TMEM169: variants seen among roughly 807,000 people sequenced by gnomAD.
TMEM169 encodes transmembrane protein 169.
In TMEM169, 18 loss-of-function variants were observed where a neutral mutation model predicts 27.3. That is an observed-to-expected ratio of 0.66 (90% confidence interval 0.46 to 0.98). The LOEUF (loss-of-function observed/expected upper bound fraction) is 0.98, where lower values mean the gene tolerates loss of function less well. Among genes scored for constraint, TMEM169 ranks in the 50% least tolerant of loss-of-function variants. The pLI is 0.00. For synonymous variants in TMEM169, 136 were observed against 142.1 expected, an observed-to-expected ratio of 0.96 and a Z score of 0.30; for missense variants, 320 against 368.6, an observed-to-expected ratio of 0.87 and a Z score of 1.08.
At chr2:216,082,375 C>T (rs1402047551) in intron 1 of TMEM169, 28 of 152,418 alleles carry the variant, frequency 1.8e-4, no homozygotes, top group Admixed American at 1.8e-3. Context: ...TGCAGTTTTC[C>T]ACAGAACCAA....
intron 1 of TMEM169, 138 bp downstream of exon 1, chr2:216,082,117 T>G (rs930653242): frequency 1.1e-5 from 2 of 189,786 alleles, no homozygotes; most frequent in Non-Finnish European, 2.2e-5. Flanking sequence ...GGGCTGAAGC[T>G]CTCACGATTA....
chr2:216,091,196 C>A (rs186775567), intron 1 of TMEM169, among the ~76,000 whole-genome samples: 2 of 152,216 alleles, frequency 1.3e-5, no homozygotes, highest in Admixed American at 1.3e-4. Flanking sequence ...AAATTTCAGC[C>A]CCCAAAGTGA....
chr2:216,090,067 G>A (rs1485733281), intron 1 of TMEM169, among the ~76,000 whole-genome samples: 1 of 152,216 alleles, frequency 6.6e-6, no homozygotes, highest in Non-Finnish European at 1.5e-5. Flanking sequence ...GTTGGGAGTG[G>A]GGAGAAAGGG....
intron 1 of TMEM169, among the ~76,000 whole-genome samples, chr2:216,090,033 G>T (rs912272539): frequency 6.6e-6 from 1 of 152,242 alleles, no homozygotes; most frequent in Non-Finnish European, 1.5e-5. Context: ...GCGTGCATGT[G>T]TGTGTGTCTG....
chr2:216,095,109 C>CTTTCTTT (rs751748269), intron 1 of TMEM169, among the ~76,000 whole-genome samples: 1 of 110,484 alleles, frequency 9.1e-6, no homozygotes, highest in African/African-American at 4.1e-5. Context: ...TTTTTTCTTT[C>CTTTCTTT]TTTTTTTTTT....
At chr2:216,087,363 T>C (rs1696027758) in intron 1 of TMEM169, among the ~76,000 whole-genome samples, 1 of 152,212 alleles carries the variant, frequency 6.6e-6, no homozygotes, top group East Asian at 1.9e-4. Flanking sequence ...TTTTAGAATG[T>C]CTTCCAGTTT....
At chr2:216,098,104 TG>T (rs1185035598) in intron 2 of TMEM169, among the ~76,000 whole-genome samples, 5 of 151,810 alleles carry the variant, frequency 3.3e-5, no homozygotes, top group Non-Finnish European at 7.4e-5. Flanking sequence ...TGGTGGCCCT[TG>T]CAGGTCTCGG....
At position 216,089,423 on chromosome 2, in the gene TMEM169, G is replaced by C. The variant is rs535866530; in HGVS notation, c.-126-6415G>C. On this transcript the variant is annotated intron_variant, in intron 1 of 2. Transcript: ENST00000437356. Reference sequence around the variant, plus strand: ...CTGTTCACTGCAGCTACTACCACTTGACTACTTCTATTTTTAATTTTCATT... The same window carrying C: ...CTGTTCACTGCAGCTACTACCACTTCACTACTTCTATTTTTAATTTTCATT... Among the ~76,000 whole-genome samples, 6 of 152,220 alleles carry C rather than the reference G, an allele frequency of 3.9e-5. No individual in the cohort carries two copies. The East Asian group carries it at 1.2e-3, about 29-fold the overall frequency.
intron 1 of TMEM169, among the ~76,000 whole-genome samples, chr2:216,084,948 C>T: frequency 6.6e-6 from 1 of 152,112 alleles, no homozygotes; most frequent in South Asian, 2.1e-4. Context: ...TAGGAAGTTA[C>T]AGGAGGATTT....
rs143406922 is a variant in TMEM169, at chr2:216,087,954, T to C, written c.-127+5975T>C. On this transcript the variant is annotated intron_variant, in intron 1 of 2. Transcript: ENST00000437356. ...CAGATGGATCACTTGAGGTCAGGAG[T>C]TGGAGACTAGCCTGGCCAACATGGT... is the stretch of plus-strand genomic sequence containing the variant. 5.6e-3 allele frequency among the ~76,000 whole-genome samples: 817 copies of C among 146,742 alleles called. 10 individuals are homozygous for C. Among genetic ancestry groups the C allele is most frequent in the African/African-American group, 0.02 (769 of 39,368 alleles).
chr2:216,093,125 A>AGTTTT (rs748583380), intron 1 of TMEM169, among the ~76,000 whole-genome samples: 1 of 145,912 alleles, frequency 6.9e-6, no homozygotes, highest in African/African-American at 2.6e-5. Context: ...GTAATAATGA[A>AGTTTT]GTGTGTGTGT....
chr2:216,095,751 T>C, intron 1 of TMEM169, 87 bp from the exon 2 acceptor site: 2 of 507,780 alleles, frequency 3.9e-6, no homozygotes, highest in Non-Finnish European at 6.9e-6. Context: ...GAGGAAGGCT[T>C]CTGCTAAGTT....
In TMEM169 at chr2:216,091,007, GCCAGA is replaced by G. The variant is rs566352662; in HGVS notation, c.-126-4828_-126-4824del. On this transcript the variant is annotated intron_variant, in intron 1 of 2. Transcript: ENST00000437356. ...CATTTTTGAAAGCCATCATCAGAGTGCCAGACCCTGATTGGCCAAAAGTCAACTCA... is the reference window on the plus strand; with the variant it reads ...CATTTTTGAAAGCCATCATCAGAGTGCCCTGATTGGCCAAAAGTCAACTCA... 2.0e-5 allele frequency among the ~76,000 whole-genome samples: 3 copies of G among 152,334 alleles called. No individual in the cohort carries two copies. In the South Asian group the frequency reaches 6.2e-4, roughly 32 times the overall value.
At chr2:216,094,784 T>C (rs1696222129) in intron 1 of TMEM169, among the ~76,000 whole-genome samples, 2 of 151,964 alleles carry the variant, frequency 1.3e-5, no homozygotes, top group South Asian at 2.1e-4. Flanking sequence ...GAAAAAAAAA[T>C]GAAGGACAGA....
intron 1 of TMEM169, among the ~76,000 whole-genome samples, chr2:216,092,472 T>C (rs1452202116): frequency 1.3e-5 from 2 of 152,152 alleles, no homozygotes; most frequent in Non-Finnish European, 2.9e-5. Flanking sequence ...ATAAGGCCCA[T>C]TAATAAGGGT....
rs1018423436 is a variant in TMEM169 at position 216,096,353 on chromosome 2, C to T, written c.271+119C>T. The T allele has an allele frequency of 9.5e-6, 11 of 1,163,588 alleles. No individual in the cohort carries two copies. The African/African-American group carries it at 1.2e-4, about 13-fold the overall frequency. The allele number at this position is 1,163,588 out of a possible 1,614,324, so 72.1% of individuals were successfully genotyped here. ...CTTCTTGGTGATACATTTCTTCTTGCAATATTACCACCTTTTATTTATTTA... is the reference window on the plus strand; with the variant it reads ...CTTCTTGGTGATACATTTCTTCTTGTAATATTACCACCTTTTATTTATTTA... On this transcript the variant is annotated intron_variant, in intron 2 of 2. Coordinates refer to ENST00000437356, the MANE Select transcript of TMEM169 (RefSeq NM_001142311.2).
rs1450263697 is a variant in TMEM169 at position 216,099,311 on chromosome 2, AGTGT to A, written c.272-604_272-601del. Among the ~76,000 whole-genome samples the A allele has an allele frequency of 1.3e-5, 2 of 149,680 alleles. No homozygotes were observed. Among genetic ancestry groups the A allele is most frequent in the Non-Finnish European group, 3.0e-5 (2 of 67,266 alleles). ...GTGTGGTGTGTGTATGGGATAGTGT[AGTGT>A]GTGTATGTGGTACGTGATTGGGAGG... is the stretch of plus-strand genomic sequence containing the variant. On this transcript the variant is annotated intron_variant, in intron 2 of 2. Transcript: ENST00000437356. This position sits in a 1 kb window ranked among gnomAD's most constrained non-coding sequence, Gnocchi z 5.0.
chr2:216,095,910 T>A lies in TMEM169; in HGVS notation c.-54T>A. The stretch of plus-strand genomic sequence containing the variant: ...AGTTCTGTGATGTGTGAACTGTGAG[T>A]TTACTCAAACAAGTCCAACTCTTTA... On this transcript the variant is annotated 5_prime_UTR_variant, in exon 2 of 3. Transcript: ENST00000437356. The A allele has an allele frequency of 6.4e-7, 1 of 1,556,564 alleles. No homozygotes were observed. Among genetic ancestry groups the A allele is most frequent in the Non-Finnish European group, 8.7e-7 (1 of 1,152,342 alleles).
intron 1 of TMEM169, among the ~76,000 whole-genome samples, chr2:216,093,055 T>A (rs750405674): frequency 7.2e-5 from 11 of 151,970 alleles, no homozygotes; most frequent in South Asian, 2.1e-4. Flanking sequence ...TGTATATAAA[T>A]ATACATATGT....
Sources: allele counts gnomAD v4.1 joint callset (sites outside exome capture counted in the v4.1 genomes callset), GRCh38; gene constraint gnomAD v4.1.1; non-coding constraint Gnocchi (gnomAD v3.1); transcripts MANE v1.5; gene names NCBI Gene and HGNC (gene_info 2026-07-23, HGNC 2026-07-21).